GATAD2A: variants seen among roughly 807,000 people sequenced by gnomAD.
The protein encoded by GATAD2A is GATA zinc finger domain containing 2A.
Under a neutral mutation model 68.5 loss-of-function variants are expected in GATAD2A, and 12 were observed. The observed-to-expected ratio is 0.18, with a 90% confidence interval of 0.11 to 0.28. The LOEUF (loss-of-function observed/expected upper bound fraction) is 0.28. Ranked by LOEUF, GATAD2A falls within the 10% of genes least tolerant of loss-of-function variation. The pLI is 1.00. For synonymous variants in GATAD2A, 410 were observed against 375.3 expected, an observed-to-expected ratio of 1.09 and a Z score of -1.07; for missense variants, 755 against 868.5, an observed-to-expected ratio of 0.87 and a Z score of 1.64.
At chr19:19,451,389 G>T (rs2056376786) in intron 1 of GATAD2A, among the ~76,000 whole-genome samples, 1 of 152,162 alleles carries the variant, frequency 6.6e-6, no homozygotes, top group Non-Finnish European at 1.5e-5. Context: ...ATTAGAAGGG[G>T]TGTCCCAGGC....
At chr19:19,478,741 C>T (rs1474280585) in intron 2 of GATAD2A, among the ~76,000 whole-genome samples, 1 of 150,552 alleles carries the variant, frequency 6.6e-6, no homozygotes, top group Admixed American at 6.6e-5. Flanking sequence ...GCCTGGGAGG[C>T]AGAGGCTGCA....
chr19:19,420,485 C>G (rs1042272404), intron 1 of GATAD2A, among the ~76,000 whole-genome samples: 8 of 147,924 alleles, frequency 5.4e-5, no homozygotes, highest in African/African-American at 2.0e-4. Flanking sequence ...GCGCCCGCCA[C>G]CACGCCTGGC....
chr19:19,422,617 A>G (rs952130302), intron 1 of GATAD2A, among the ~76,000 whole-genome samples: 1 of 152,178 alleles, frequency 6.6e-6, no homozygotes, highest in Non-Finnish European at 1.5e-5. Context: ...CTCTTCTTGC[A>G]TCTTCCAATC....
intron 1 of GATAD2A, among the ~76,000 whole-genome samples, chr19:19,428,710 G>A (rs942089841): frequency 6.6e-6 from 1 of 152,162 alleles, no homozygotes. Context: ...CTGTGAATGG[G>A]GTTTTAGGGT....
At chr19:19,497,621 G>A (rs575955925) in intron 7 of GATAD2A, among the ~76,000 whole-genome samples, 2 of 152,272 alleles carry the variant, frequency 1.3e-5, no homozygotes, top group African/African-American at 2.4e-5. Context: ...CTTTCTTGGG[G>A]GGTGGGACCC....
intron 7 of GATAD2A, among the ~76,000 whole-genome samples, chr19:19,497,731 T>G (rs748716021): frequency 6.6e-6 from 1 of 152,178 alleles, no homozygotes; most frequent in Non-Finnish European, 1.5e-5. Context: ...TTTCATCATA[T>G]TTCCAGAGGG....
At chr19:19,447,098 C>T (rs2055812220) in intron 1 of GATAD2A, among the ~76,000 whole-genome samples, 1 of 152,132 alleles carries the variant, frequency 6.6e-6, no homozygotes, top group African/African-American at 2.4e-5. Context: ...GGTGGAAGCC[C>T]ACAAACAGAG....
At chr19:19,486,784 G>A (rs556943628) in intron 2 of GATAD2A, among the ~76,000 whole-genome samples, 4 of 152,328 alleles carry the variant, frequency 2.6e-5, no homozygotes, top group Admixed American at 6.5e-5. Flanking sequence ...TAAGGTGCCC[G>A]AGCCTCCTCA....
chr19:19,482,802 A>G (rs1165886712), intron 2 of GATAD2A, among the ~76,000 whole-genome samples: 1 of 152,022 alleles, frequency 6.6e-6, no homozygotes, highest in Non-Finnish European at 1.5e-5. Flanking sequence ...GTCTTCCTGT[A>G]TTTCTAAGCA....
intron 1 of GATAD2A, among the ~76,000 whole-genome samples, chr19:19,451,759 G>A (rs1014785190): frequency 2.0e-5 from 3 of 152,224 alleles, no homozygotes; most frequent in African/African-American, 4.8e-5. Flanking sequence ...ATATTCTTGA[G>A]ACAAGTAGAT....
intron 2 of GATAD2A, among the ~76,000 whole-genome samples, chr19:19,475,487 C>CCA (rs769968229): frequency 9.8e-4 from 41 of 41,830 alleles, no homozygotes; most frequent in Non-Finnish European, 2.0e-3. Flanking sequence ...CTGGAGCCCC[C>CCA]CCCCCTCCAC....
chr19:19,386,908 C>A (rs1002321654), intron 1 of GATAD2A, among the ~76,000 whole-genome samples: 1 of 152,102 alleles, frequency 6.6e-6, no homozygotes, highest in African/African-American at 2.4e-5. Context: ...CTACTTTTCT[C>A]AGGAACCCAT....
At chr19:19,481,928 TCCCATATCTA>T (rs2059090655) in intron 2 of GATAD2A, among the ~76,000 whole-genome samples, 1 of 152,092 alleles carries the variant, frequency 6.6e-6, no homozygotes, top group South Asian at 2.1e-4. Context: ...ACATAGTAGT[TCCCATATCTA>T]CCAATAAATA....
chr19:19,482,791 T>TG (rs2059147735), intron 2 of GATAD2A, among the ~76,000 whole-genome samples: 2 of 152,168 alleles, frequency 1.3e-5, no homozygotes, highest in Non-Finnish European at 2.9e-5. Flanking sequence ...CTAATGCATG[T>TG]GTCTTCCTGT....
At chr19:19,476,240 C>T (rs551679359) in intron 2 of GATAD2A, among the ~76,000 whole-genome samples, 2 of 152,358 alleles carry the variant, frequency 1.3e-5, no homozygotes, top group East Asian at 3.9e-4. Flanking sequence ...TGTCTGAACT[C>T]TTCTCACACA....
At chr19:19,436,192 G>A in intron 1 of GATAD2A, 1 of 1,366,154 alleles carries the variant, frequency 7.3e-7, no homozygotes, top group Non-Finnish European at 9.8e-7. Context: ...CCAACTGGTA[G>A]GACCAGCACC....
At chr19:19,413,563 T>G (rs1163201248) in intron 1 of GATAD2A, among the ~76,000 whole-genome samples, 1 of 151,994 alleles carries the variant, frequency 6.6e-6, no homozygotes, top group East Asian at 1.9e-4. Flanking sequence ...CAGGGAGAGT[T>G]TGCTGGTGTG....
At chr19:19,459,407 A>G (rs551440191) in intron 1 of GATAD2A, among the ~76,000 whole-genome samples, 32 of 144,554 alleles carry the variant, frequency 2.2e-4, no homozygotes, top group African/African-American at 4.1e-4. Context: ...GTACTATGCT[A>G]TTCTGCAACT....
At chr19:19,480,058 C>T (rs780461546) in intron 2 of GATAD2A, among the ~76,000 whole-genome samples, 6 of 151,942 alleles carry the variant, frequency 3.9e-5, no homozygotes, top group African/African-American at 7.3e-5. Context: ...CCACCCGCCT[C>T]GGCTCCCAAA....
Sources: gnomAD v4.1 joint callset for allele counts (sites outside exome capture counted in the v4.1 genomes callset) on GRCh38, gnomAD v4.1.1 for gene constraint, MANE v1.5 for transcripts, NCBI Gene and HGNC (gene_info 2026-07-23, HGNC 2026-07-21) for gene names.